The following GRM3 variants were observed in gnomAD, a reference collection of about 807,000 sequenced individuals.
GRM3 encodes the protein glutamate metabotropic receptor 3, also known as metabotropic glutamate receptor 3.
In GRM3, 26 loss-of-function variants were observed where a neutral mutation model predicts 70.5. The observed-to-expected ratio is 0.37, with a 90% CI of 0.27 to 0.51. GRM3 has a LOEUF of 0.51. Among genes scored for constraint, GRM3 ranks in the 20% least tolerant of loss-of-function variants. GRM3 has a pLI of 0.93. For missense variants in GRM3, 859 were observed against 1,123.8 expected, an observed-to-expected ratio of 0.76 and a Z score of 3.37; for synonymous variants, 443 against 434.9, an observed-to-expected ratio of 1.02 and a Z score of -0.23.
At chr7:86,703,409 T>A (rs1434859327) in intron 1 of GRM3, among the ~76,000 whole-genome samples, 1 of 151,884 alleles carries the variant, frequency 6.6e-6, no homozygotes, top group Non-Finnish European at 1.5e-5. Flanking sequence ...CCTTTGAAAT[T>A]CAATCTCAGA....
chr7:86,776,029 C>T (rs1796879773), intron 2 of GRM3: 1 of 139,518 alleles, frequency 7.2e-6, no homozygotes, highest in Non-Finnish European at 1.6e-5. Flanking sequence ...ATTGCTCATC[C>T]AGGAAAAAAA....
chr7:86,735,670 C>T (rs919399996), intron 1 of GRM3, among the ~76,000 whole-genome samples: 3 of 152,160 alleles, frequency 2.0e-5, no homozygotes, highest in Non-Finnish European at 4.4e-5. Flanking sequence ...GCTACTAGTT[C>T]ATACAACTAC....
At chr7:86,682,131 C>G (rs1200849133) in intron 1 of GRM3, among the ~76,000 whole-genome samples, 2 of 152,140 alleles carry the variant, frequency 1.3e-5, no homozygotes. Flanking sequence ...ATAACACCAT[C>G]GGATTAAATA....
chr7:86,791,532 G>A (rs962778628), intron 3 of GRM3, among the ~76,000 whole-genome samples: 1 of 152,144 alleles, frequency 6.6e-6, no homozygotes, highest in African/African-American at 2.4e-5. Flanking sequence ...TCAGTCAGCT[G>A]GTTAGTAACA....
intron 4 of GRM3, among the ~76,000 whole-genome samples, chr7:86,848,764 C>G (rs552376803): frequency 1.3e-5 from 2 of 152,262 alleles, no homozygotes; most frequent in African/African-American, 4.8e-5. Flanking sequence ...TACCTCAAGA[C>G]AGTAGCAAGT....
chr7:86,650,068 T>C (rs1342276418), intron 1 of GRM3, among the ~76,000 whole-genome samples: 1 of 152,196 alleles, frequency 6.6e-6, no homozygotes, highest in Non-Finnish European at 1.5e-5. Flanking sequence ...GGAGACAGTG[T>C]TGTATGCTGT....
At chr7:86,690,545 T>C (rs571010611) in intron 1 of GRM3, among the ~76,000 whole-genome samples, 4 of 152,216 alleles carry the variant, frequency 2.6e-5, no homozygotes, top group East Asian at 1.9e-4. Flanking sequence ...AGCAGACATA[T>C]GTGAAATACA....
chr7:86,800,176 A>C (rs943427296), intron 3 of GRM3, among the ~76,000 whole-genome samples: 1 of 152,224 alleles, frequency 6.6e-6, no homozygotes. Context: ...CTAAATTCCC[A>C]CATCAAAAAG....
chr7:86,707,408 G>T (rs750022083), intron 1 of GRM3, among the ~76,000 whole-genome samples: 5 of 152,036 alleles, frequency 3.3e-5, no homozygotes, highest in African/African-American at 4.8e-5. Flanking sequence ...GAATTAAGGA[G>T]GGCTTCCGTG....
chr7:86,677,795 A>G (rs1483964812), intron 1 of GRM3, among the ~76,000 whole-genome samples: 1 of 151,996 alleles, frequency 6.6e-6, no homozygotes, highest in Non-Finnish European at 1.5e-5. Flanking sequence ...CCCGCAAAGA[A>G]TGGGAAACTA....
At chr7:86,797,520 G>A (rs1797576973) in intron 3 of GRM3, among the ~76,000 whole-genome samples, 1 of 152,152 alleles carries the variant, frequency 6.6e-6, no homozygotes, top group South Asian at 2.1e-4. Context: ...TGTGACTTGG[G>A]TGCTGTTAAA....
chr7:86,722,695 G>A (rs968538054), intron 1 of GRM3, among the ~76,000 whole-genome samples: 2 of 151,898 alleles, frequency 1.3e-5, no homozygotes, highest in Non-Finnish European at 2.9e-5. Context: ...CATTGCACCT[G>A]TACACCTATG....
intron 2 of GRM3, among the ~76,000 whole-genome samples, chr7:86,774,574 G>A (rs1796837113): frequency 6.6e-6 from 1 of 152,098 alleles, no homozygotes; most frequent in South Asian, 2.1e-4. Context: ...TTCAATAGAA[G>A]CAACACCTTC....
chr7:86,755,378 G>T (rs1796319724), intron 1 of GRM3, among the ~76,000 whole-genome samples: 2 of 152,076 alleles, frequency 1.3e-5, no homozygotes, highest in South Asian at 4.2e-4. Flanking sequence ...TTATCGAAAT[G>T]GGCAGTAATC....
chr7:86,804,710 C>T (rs1797752227), intron 3 of GRM3, among the ~76,000 whole-genome samples: 1 of 152,152 alleles, frequency 6.6e-6, no homozygotes, highest in African/African-American at 2.4e-5. Context: ...TGCACCTGGC[C>T]CAGATATGAT....
chr7:86,665,418 A>G (rs997425019), intron 1 of GRM3, among the ~76,000 whole-genome samples: 1 of 152,086 alleles, frequency 6.6e-6, no homozygotes. Flanking sequence ...GGTGCTTATT[A>G]AATATAAACT....
intron 1 of GRM3, among the ~76,000 whole-genome samples, chr7:86,763,385 G>A (rs755522096): frequency 2.6e-5 from 4 of 152,096 alleles, no homozygotes; most frequent in African/African-American, 7.2e-5. Flanking sequence ...TATCTTGGGG[G>A]ATAGAAGTAA....
intron 1 of GRM3, among the ~76,000 whole-genome samples, chr7:86,658,056 A>G (rs558610656): frequency 6.6e-6 from 1 of 152,334 alleles, no homozygotes; most frequent in South Asian, 2.1e-4. Context: ...AAACAAATCA[A>G]TATTTTCTAT....
At chr7:86,803,787 A>G (rs1797732483) in intron 3 of GRM3, among the ~76,000 whole-genome samples, 1 of 151,740 alleles carries the variant, frequency 6.6e-6, no homozygotes, top group South Asian at 2.1e-4. Flanking sequence ...TTTTTCCCTC[A>G]TGTTTGATGG....
Sources: allele counts gnomAD v4.1 joint callset (sites outside exome capture counted in the v4.1 genomes callset), GRCh38; gene constraint gnomAD v4.1.1; transcripts MANE v1.5; gene names NCBI Gene and HGNC (gene_info 2026-07-23, HGNC 2026-07-21).